Variants in RALYL observed in about 807,000 individuals in gnomAD.
RALYL encodes the protein RNA-binding Raly-like protein.
RALYL carries 29 observed loss-of-function variants against 35.1 expected under a neutral mutation model. That is an observed-to-expected ratio of 0.83 (90% CI 0.61 to 1.13). The LOEUF is 1.13. Ranked by LOEUF, RALYL falls within the 50% of genes most tolerant of loss-of-function variation. The pLI, the probability that RALYL is intolerant of heterozygous loss-of-function variation, is 0.00. For missense variants in RALYL, 359 were observed against 360.4 expected (o/e 1.00, Z 0.03); for synonymous variants, 120 against 127.6 (o/e 0.94, Z 0.40).
intron 1 of RALYL, among the ~76,000 whole-genome samples, chr8:84,478,586 A>G (rs1047413852): frequency 1.3e-5 from 2 of 152,104 alleles, no homozygotes; most frequent in Non-Finnish European, 2.9e-5. Context: ...CCCTAAATAA[A>G]ATGAACCAGA....
At chr8:84,329,941 T>A (rs1846506593) in intron 1 of RALYL, among the ~76,000 whole-genome samples, 1 of 152,036 alleles carries the variant, frequency 6.6e-6, no homozygotes, top group South Asian at 2.1e-4. Context: ...CAAGACTTAC[T>A]TTAAAAGCAC....
At chr8:84,664,972 T>C (rs1014085478) in intron 2 of RALYL, among the ~76,000 whole-genome samples, 2 of 152,210 alleles carry the variant, frequency 1.3e-5, no homozygotes, top group Non-Finnish European at 2.9e-5. Flanking sequence ...TTGTCATATA[T>C]GACTCTTATT....
chr8:84,644,678 C>T (rs1245279722), intron 2 of RALYL, among the ~76,000 whole-genome samples: 2 of 151,880 alleles, frequency 1.3e-5, no homozygotes, highest in Non-Finnish European at 2.9e-5. Flanking sequence ...TCTGTTAAAC[C>T]TTTGCTCATT....
chr8:84,333,674 G>A (rs1847242788), intron 1 of RALYL, among the ~76,000 whole-genome samples: 1 of 152,042 alleles, frequency 6.6e-6, no homozygotes, highest in African/African-American at 2.4e-5. Context: ...TTCCCATTTG[G>A]ATCAGATGAG....
chr8:84,516,544 A>G (rs6998202), intron 1 of RALYL, among the ~76,000 whole-genome samples: 6 of 151,950 alleles, frequency 3.9e-5, no homozygotes, highest in African/African-American at 9.7e-5. Context: ...TCATTTTGAA[A>G]CTCTTTGGTG....
At chr8:84,497,618 G>GT (rs1314490631) in intron 1 of RALYL, among the ~76,000 whole-genome samples, 14 of 128,192 alleles carry the variant, frequency 1.1e-4, no homozygotes, top group South Asian at 5.2e-4. Context: ...TTAAGGTTTT[G>GT]TTTTTTTTGT....
chr8:84,816,285 C>T (rs1827274710), intron 4 of RALYL, among the ~76,000 whole-genome samples: 2 of 152,094 alleles, frequency 1.3e-5, no homozygotes. Context: ...ACCTTGCAGA[C>T]ACTGAGCCAC....
intron 1 of RALYL, among the ~76,000 whole-genome samples, chr8:84,393,458 C>G (rs1230408556): frequency 2.0e-5 from 3 of 152,000 alleles, no homozygotes; most frequent in Non-Finnish European, 2.9e-5. Flanking sequence ...TTTTATAACC[C>G]AGTCACAGAA....
intron 1 of RALYL, among the ~76,000 whole-genome samples, chr8:84,232,286 A>G (rs772966820): frequency 6.6e-6 from 1 of 152,182 alleles, no homozygotes; most frequent in Non-Finnish European, 1.5e-5. Flanking sequence ...GAAATAACAT[A>G]TACATGGTGG....
chr8:84,754,503 G>A (rs1810905523), intron 2 of RALYL, among the ~76,000 whole-genome samples: 1 of 152,124 alleles, frequency 6.6e-6, no homozygotes, highest in African/African-American at 2.4e-5. Flanking sequence ...CATCAGATAA[G>A]CTGCAAGATT....
At chr8:84,864,820 C>G (rs1050206142) in intron 6 of RALYL, 2 of 606,128 alleles carry the variant, frequency 3.3e-6, no homozygotes, top group African/African-American at 3.7e-5. Context: ...GTGTAGTAGT[C>G]AATGTCATGG....
At chr8:84,364,584 T>C (rs1853805401) in intron 1 of RALYL, among the ~76,000 whole-genome samples, 1 of 152,140 alleles carries the variant, frequency 6.6e-6, no homozygotes, top group South Asian at 2.1e-4. Context: ...TGATTTAATA[T>C]AAAACATCTA....
intron 2 of RALYL, among the ~76,000 whole-genome samples, chr8:84,602,513 T>C (rs1403436713): frequency 1.3e-5 from 2 of 152,088 alleles, no homozygotes; most frequent in Non-Finnish European, 2.9e-5. Flanking sequence ...CCTACATTCT[T>C]ATGAGAGTGA....
At chr8:84,808,989 C>T (rs772828734) in intron 4 of RALYL, among the ~76,000 whole-genome samples, 3 of 152,028 alleles carry the variant, frequency 2.0e-5, no homozygotes, top group Non-Finnish European at 4.4e-5. Context: ...AATTTAGATG[C>T]CCTTTATTTC....
At chr8:84,835,662 A>G (rs932430151) in intron 4 of RALYL, among the ~76,000 whole-genome samples, 9 of 149,098 alleles carry the variant, frequency 6.0e-5, no homozygotes, top group East Asian at 4.0e-4. Flanking sequence ...CAGCCTGGGC[A>G]ACAAAAGCAA....
chr8:84,798,947 A>G (rs1463852056), intron 3 of RALYL, among the ~76,000 whole-genome samples: 1 of 152,234 alleles, frequency 6.6e-6, no homozygotes, highest in East Asian at 1.9e-4. Context: ...GACTGAAGTC[A>G]TAGAAGACAA....
chr8:84,853,928 AAATT>A (rs1248557677), intron 5 of RALYL, among the ~76,000 whole-genome samples: 2 of 152,214 alleles, frequency 1.3e-5, no homozygotes, highest in African/African-American at 2.4e-5. Flanking sequence ...GGTGAGCATG[AAATT>A]AATTCCTAAC....
intron 1 of RALYL, among the ~76,000 whole-genome samples, chr8:84,444,666 A>T (rs1024215574): frequency 6.6e-6 from 1 of 152,132 alleles, no homozygotes; most frequent in African/African-American, 2.4e-5. Flanking sequence ...CAAGGAGGCT[A>T]TGGCTTAACT....
chr8:84,296,212 A>G (rs1383251341), intron 1 of RALYL, among the ~76,000 whole-genome samples: 1 of 152,098 alleles, frequency 6.6e-6, no homozygotes, highest in Non-Finnish European at 1.5e-5. Flanking sequence ...TTGTCTTTCA[A>G]GTAACTTCAG....
Sources: gnomAD v4.1 joint callset for allele counts (sites outside exome capture counted in the v4.1 genomes callset) on GRCh38, gnomAD v4.1.1 for gene constraint, MANE v1.5 for transcripts, NCBI Gene and HGNC (gene_info 2026-07-23, HGNC 2026-07-21) for gene names.